Variants in ASMT observed in about 807,000 individuals in gnomAD.
The protein encoded by ASMT is acetylserotonin N-methyltransferase.
A neutral mutation model predicts 41.3 loss-of-function variants in ASMT; 53 were observed. The ratio of observed to expected loss-of-function variants is 1.28; its 90% CI spans 1.03 to 1.61. ASMT has a LOEUF of 1.61. ASMT is among the 40% of genes most tolerant of loss of function. The probability of loss-of-function intolerance (pLI) is 0.00; values close to 1 mark genes in which losing one functional copy is unlikely to be tolerated. For missense variants in ASMT, 531 were observed against 441.3 expected, an observed-to-expected ratio of 1.20 and a Z score of -1.82; for synonymous variants, 231 against 184.8, an observed-to-expected ratio of 1.25 and a Z score of -2.03.
chrX:1,616,586 G>C (rs1219008512), intron 1 of ASMT, among the ~76,000 whole-genome samples: 1 of 151,402 alleles, frequency 6.6e-6, no homozygotes, highest in African/African-American at 2.4e-5. Context: ...AAGGGTTAAT[G>C]ATGGCCGGGC....
At chrX:1,620,778 A>G (rs1934309613) in intron 1 of ASMT, among the ~76,000 whole-genome samples, 2 of 152,110 alleles carry the variant, frequency 1.3e-5, no homozygotes, top group South Asian at 4.1e-4. Context: ...AGTCCCAGCT[A>G]GTCGGGAGGC....
intron 1 of ASMT, among the ~76,000 whole-genome samples, chrX:1,618,777 G>A (rs1266118083): frequency 2.6e-5 from 4 of 152,218 alleles, no homozygotes; most frequent in African/African-American, 9.6e-5. Flanking sequence ...TTCTGTTACT[G>A]TCCCAGACAA....
At chrX:1,618,003 C>T (rs1371681520) in intron 1 of ASMT, among the ~76,000 whole-genome samples, 2 of 151,900 alleles carry the variant, frequency 1.3e-5, no homozygotes, top group Non-Finnish European at 1.5e-5. Context: ...TGAATTTTAC[C>T]TCTAGGCCCC....
intron 1 of ASMT, among the ~76,000 whole-genome samples, chrX:1,621,999 T>A (rs1400485677): frequency 3.6e-5 from 5 of 138,346 alleles, no homozygotes; most frequent in African/African-American, 1.4e-4. Context: ...CCGGCCTATT[T>A]ATTTTTTTTG....
At chrX:1,631,825 G>A (rs1391122292) in intron 5 of ASMT, among the ~76,000 whole-genome samples, 5 of 152,074 alleles carry the variant, frequency 3.3e-5, no homozygotes, top group Admixed American at 6.6e-5. Flanking sequence ...TGAGGCGGGC[G>A]GATCCCAAGG....
rs546944789 is a variant in ASMT, at chrX:1,636,055, A to C, written c.788-383A>C. On this transcript the variant is annotated intron_variant, in intron 7 of 8. Transcript: ENST00000381241. ...ACTGCAAGCTCCGCCTCCCGGGTTC[A>C]TGCCATTCTCCTGCCTCAGCCTCCC... 3.4e-4 allele frequency among the ~76,000 whole-genome samples: 51 copies of C among 148,912 alleles called. 2 individuals carry two copies. Among genetic ancestry groups the C allele is most frequent in the African/African-American group, 1.2e-3 (50 of 40,622 alleles).
intron 1 of ASMT, among the ~76,000 whole-genome samples, chrX:1,619,194 G>C (rs1490095193): frequency 6.6e-5 from 10 of 151,984 alleles, no homozygotes; most frequent in African/African-American, 2.4e-4. Context: ...AGGAGTTCGA[G>C]ACCAGCCTGG....
rs758656996 is a variant in ASMT, at chrX:1,625,896, A to T, written c.374+1498A>T. Among the ~76,000 whole-genome samples the T allele has an allele frequency of 4.1e-5, 6 of 144,832 alleles. No homozygotes were observed. The East Asian group carries it at 1.3e-3, about 32-fold the overall frequency. On this transcript the variant is annotated intron_variant, in intron 3 of 8. Transcript: ENST00000381241. Reference sequence around the variant, plus strand: ...TGTGAACCCGGGAGGCGGAGGTTGCAGTGAGCCAAGATCGCACCACTGCAC... The same window carrying T: ...TGTGAACCCGGGAGGCGGAGGTTGCTGTGAGCCAAGATCGCACCACTGCAC...
chrX:1,620,071 T>C (rs867452086), intron 1 of ASMT, among the ~76,000 whole-genome samples: 1 of 148,520 alleles, frequency 6.7e-6, no homozygotes, highest in Non-Finnish European at 1.5e-5. Context: ...CCAGCCTGGG[T>C]GACAGAGCCA....
intron 1 of ASMT, among the ~76,000 whole-genome samples, chrX:1,619,956 G>A (rs1451387461): frequency 6.6e-6 from 1 of 151,170 alleles, no homozygotes; most frequent in Non-Finnish European, 1.5e-5. Context: ...AGCCGGGCGT[G>A]GTGGTGGGCG....
At chrX:1,624,100 C>A in intron 2 of ASMT, 169 bp from the exon 3 acceptor site, 1 of 387,152 alleles carries the variant, frequency 2.6e-6, no homozygotes, top group Non-Finnish European at 3.5e-6. Context: ...CACCTTTGCG[C>A]CTTCCACAGA....
Position 1,623,255 on chromosome X carries a change from C to T in ASMT, c.186C>T (p.Leu62=), listed in dbSNP as rs1934402621. ...GVRASAHGTE[L]LLDICVSLKL... is the part of the protein sequence containing the mutation. ...GGGCCAGCGCCCATGGGACAGAGCT[C>T]CTGCTGGACATCTGTGTGTCCCTGA... Residue 62 remains leucine (L), a synonymous_variant, in exon 2 of 9, where the codon CTC becomes CTT. Coordinates refer to ENST00000381241, the MANE Select transcript of ASMT (RefSeq NM_001171038.2). 6.8e-6 allele frequency: 11 copies of T among 1,613,748 alleles called. No individual in the cohort carries two copies. Among genetic ancestry groups the T allele is most frequent in the Non-Finnish European group, 6.8e-6 (8 of 1,179,884 alleles).
intron 8 of ASMT, among the ~76,000 whole-genome samples, chrX:1,642,384 G>A (rs781469977): frequency 2.0e-5 from 3 of 151,040 alleles, no homozygotes; most frequent in East Asian, 3.9e-4. Flanking sequence ...TGTCCTGTGA[G>A]GTCCACCCAT....
At chrX:1,621,829 G>A (rs1934347042) in intron 1 of ASMT, among the ~76,000 whole-genome samples, 1 of 151,662 alleles carries the variant, frequency 6.6e-6, no homozygotes, top group Admixed American at 6.6e-5. Context: ...CCGAGTAGCT[G>A]GGATTACAGG....
At chrX:1,642,660 C>G in intron 8 of ASMT, 143 bp from the exon 9 acceptor site, 1 of 748,758 alleles carries the variant, frequency 1.3e-6, no homozygotes, top group Non-Finnish European at 2.4e-6. Context: ...TCGATGAGGA[C>G]GTGGGCACAG....
intron 5 of ASMT, among the ~76,000 whole-genome samples, chrX:1,632,431 C>A (rs1381497085): frequency 2.0e-5 from 3 of 152,172 alleles, no homozygotes; most frequent in Non-Finnish European, 2.9e-5. Context: ...ATGGGCGGAT[C>A]ACGAGGTCAG....
intron 5 of ASMT, 27 bp downstream of exon 5, chrX:1,629,966 C>T (rs368679079): frequency 2.2e-5 from 35 of 1,557,652 alleles, no homozygotes; most frequent in South Asian, 7.8e-5. Flanking sequence ...ACTAATACCT[C>T]GGAGGTGTGG....
chrX:1,643,058 T>C lies in ASMT; in HGVS notation c.*44T>C. 6.3e-7 allele frequency: 1 copy of C among 1,594,988 alleles called. No homozygotes were observed. Among genetic ancestry groups the C allele is most frequent in the Non-Finnish European group, 8.6e-7 (1 of 1,162,684 alleles). On this transcript the variant is annotated 3_prime_UTR_variant, in exon 9 of 9. Coordinates refer to ENST00000381241, the MANE Select transcript of ASMT (RefSeq NM_001171038.2). ...AACTAACGTCAAAGCACACAAGACA[T>C]AATAATAAAGACATGTACCTCCAGT...
intron 4 of ASMT, among the ~76,000 whole-genome samples, chrX:1,628,949 TCTTTC>T (rs1934666585): frequency 1.4e-5 from 2 of 144,502 alleles, no homozygotes; most frequent in South Asian, 4.3e-4. Flanking sequence ...TCTCTTTCTT[TCTTTC>T]CTTCTTTCTT....
Sources: allele counts gnomAD v4.1 joint callset (sites outside exome capture counted in the v4.1 genomes callset), GRCh38; gene constraint gnomAD v4.1.1; transcripts MANE v1.5; gene names NCBI Gene and HGNC (gene_info 2026-07-23, HGNC 2026-07-21).